RGMA: variants seen among roughly 807,000 people sequenced by gnomAD.
RGMA encodes the protein repulsive guidance molecule A.
RGMA carries 10 observed loss-of-function variants against 23.2 expected under a neutral mutation model. That is an observed-to-expected ratio of 0.43 (90% confidence interval 0.27 to 0.73). The LOEUF is 0.73. RGMA is among the 30% of genes least tolerant of loss of function. The pLI is 0.20. For missense variants in RGMA, 547 were observed against 630.5 expected, an observed-to-expected ratio of 0.87 and a Z score of 1.42; for synonymous variants, 308 against 279.3, an observed-to-expected ratio of 1.10 and a Z score of -1.03.
intron 1 of RGMA, among the ~76,000 whole-genome samples, chr15:93,077,542 T>C (rs915566074): frequency 1.3e-5 from 2 of 152,326 alleles, no homozygotes; most frequent in Admixed American, 6.5e-5. Context: ...TTCAATAAAA[T>C]GGTGATTGCA....
At chr15:93,087,706 G>C (rs1895661568) in intron 1 of RGMA, among the ~76,000 whole-genome samples, 1 of 152,170 alleles carries the variant, frequency 6.6e-6, no homozygotes, top group Admixed American at 6.5e-5. Flanking sequence ...TGCGGAAGGG[G>C]CATCTTCTTA....
At chr15:93,056,769 T>C (rs936219312) in intron 2 of RGMA, among the ~76,000 whole-genome samples, 1 of 152,206 alleles carries the variant, frequency 6.6e-6, no homozygotes, top group Non-Finnish European at 1.5e-5. Context: ...TTCGGGAACT[T>C]GACTCAGCCT....
intron 2 of RGMA, among the ~76,000 whole-genome samples, chr15:93,070,801 C>T (rs759501134): frequency 1.4e-4 from 21 of 152,336 alleles, no homozygotes; most frequent in Admixed American, 3.3e-4. Flanking sequence ...TTTTAGTTAC[C>T]GGCCTTGACG....
Position 93,068,232 on chromosome 15 carries a change from T to C in RGMA, c.130+4684A>G, listed in dbSNP as rs545982607. Among the ~76,000 whole-genome samples the C allele has an allele frequency of 3.3e-5, 5 of 152,278 alleles. No individual in the cohort carries two copies. In the South Asian group the frequency reaches 8.3e-4, roughly 25 times the overall value. On this transcript the variant is annotated intron_variant, in intron 2 of 3. Transcript: ENST00000329082. ...AATACTGTCTTCAATTTAAGGCTGG[T>C]TGAATTTTTGCCAAGCAGCAAAACA...
chr15:93,072,834 G>T lies in RGMA; in HGVS notation c.130+82C>A, dbSNP rs556631352. On this transcript the variant is annotated intron_variant, in intron 2 of 3. Transcript: ENST00000329082. ...GAGGAGGTCCGGAGAACTTGAGCCC[G>T]GACTCACTCGCGCACATCTGGCCCA... is the stretch of plus-strand genomic sequence containing the variant. 8.1e-5 allele frequency: 119 copies of T among 1,461,020 alleles called. No individual in the cohort carries two copies. In the African/African-American group the frequency reaches 1.4e-3, roughly 17 times the overall value. 90.5% of individuals were successfully genotyped at this position (1,461,020 alleles called of 1,614,324 possible).
chr15:93,056,008 C>A (rs1344980343), intron 2 of RGMA, among the ~76,000 whole-genome samples: 1 of 152,214 alleles, frequency 6.6e-6, no homozygotes, highest in African/African-American at 2.4e-5. Context: ...GCTCCAGGGC[C>A]ACAGAGTGGG....
chr15:93,045,426 T>C lies in RGMA; in HGVS notation c.925A>G (p.Ser309Gly). 1.2e-6 allele frequency: 2 copies of C among 1,613,170 alleles called. No individual in the cohort carries two copies. Among genetic ancestry groups the C allele is most frequent in the South Asian group, 1.1e-5 (1 of 91,066 alleles). Residue 309 changes from serine to glycine, a missense_variant, in exon 4 of 4, where the codon AGC becomes GGC. This residue lies in a region of RGMA where 205 missense variants were observed against 204.1 expected (regional missense o/e 1.00). Coordinates refer to ENST00000329082, the MANE Select transcript of RGMA (RefSeq NM_020211.3). The surrounding 1 kb of genome is among the most constrained non-coding windows in gnomAD (Gnocchi z 6.9). ...CGCAGGCAGAGGTAGAGACCCTGGCTGTCCCAGTCCTCCACAGCATTGACC... is the reference window on the plus strand; with the variant it reads ...CGCAGGCAGAGGTAGAGACCCTGGCCGTCCCAGTCCTCCACAGCATTGACC... ...EVVNAVEDWD[S>G]QGLYLCLRGC...
intron 1 of RGMA, among the ~76,000 whole-genome samples, chr15:93,078,788 G>C (rs763363637): frequency 1.3e-5 from 2 of 152,212 alleles, no homozygotes; most frequent in Non-Finnish European, 2.9e-5. Context: ...TTTTTCGCTT[G>C]TTTTCCAATA....
chr15:93,073,054 A>AAAG (rs1555450827), intron 1 of RGMA, 23 bp from the exon 2 acceptor site: 594 of 1,544,992 alleles, frequency 3.8e-4, no homozygotes, highest in Non-Finnish European at 4.9e-4. Context: ...TTCAGAAAAA[A>AAAG]AGAAGAAAAT....
rs1271846725 is a variant in RGMA at position 93,073,679 on chromosome 15, C to T, written c.15-648G>A. 5.2e-6 allele frequency: 8 copies of T among 1,537,150 alleles called. 1 individual carries two copies. Among genetic ancestry groups the T allele is most frequent in the South Asian group, 2.4e-5 (2 of 84,062 alleles). Reference sequence around the variant, plus strand: ...AAACCCACTTCCGAGTTGTCTAGGTCTGGGCAGGATGGCTCTCTGCATCTC... The same window carrying T: ...AAACCCACTTCCGAGTTGTCTAGGTTTGGGCAGGATGGCTCTCTGCATCTC... On this transcript the variant is annotated intron_variant, in intron 1 of 3. Transcript: ENST00000329082.
intron 2 of RGMA, among the ~76,000 whole-genome samples, chr15:93,054,601 A>G (rs1298450697): frequency 2.0e-5 from 3 of 152,156 alleles, no homozygotes; most frequent in Admixed American, 6.5e-5. Flanking sequence ...CATGATTGTG[A>G]GGCCTCCCCG....
rs112476305 is a variant in RGMA at position 93,037,027 on chromosome 15, G to A, written c.*7971C>T. The A allele has an allele frequency of 0.033, 5,019 of 152,364 alleles. 128 individuals are homozygous for A. The highest frequency in any genetic ancestry group is 0.051 in the South Asian group (245 of 4,822). 9.4% of individuals were successfully genotyped at this position (152,364 alleles called of 1,614,324 possible). A position where few individuals can be genotyped will look rare whatever the true frequency, so the allele number is the denominator to read the frequency against. On this transcript the variant is annotated 3_prime_UTR_variant, in exon 4 of 4. Coordinates refer to ENST00000329082, the MANE Select transcript of RGMA (RefSeq NM_020211.3). The surrounding 1 kb of genome is among the most constrained non-coding windows in gnomAD (Gnocchi z 4.3). ...ACCAGAGCCCACTCCATGGCTGGGC[G>A]AGCTGGGCAGTGGGTGACTGGCAGG...
chr15:93,055,944 G>A (rs1365260336), intron 2 of RGMA, among the ~76,000 whole-genome samples: 1 of 152,216 alleles, frequency 6.6e-6, no homozygotes, highest in Non-Finnish European at 1.5e-5. Flanking sequence ...GGGGTATGTG[G>A]GCAGTTCATG....
chr15:93,045,808 C>T lies in RGMA; in HGVS notation c.646-103G>A. 1 of 815,248 alleles carries T rather than the reference C, an allele frequency of 1.2e-6. No homozygotes were observed. Among genetic ancestry groups the T allele is most frequent in the Non-Finnish European group, 2.0e-6 (1 of 505,396 alleles). The allele number at this position is 815,248 out of a possible 1,614,324, so 50.5% of individuals were successfully genotyped here. On this transcript the variant is annotated intron_variant, in intron 3 of 3. Transcript: ENST00000329082. This position sits in a 1 kb window ranked among gnomAD's most constrained non-coding sequence, Gnocchi z 6.9. ...ACTGAGAGGAGGGCAGGAAGGATCC[C>T]CAGGGATGCCCCAGACACTCCCTTC...
chr15:93,066,209 C>T, intron 2 of RGMA: 1 of 1,415,856 alleles, frequency 7.1e-7, no homozygotes, highest in Non-Finnish European at 1.0e-6. Flanking sequence ...TCCACAGTCT[C>T]CTCATCTCCA....
intron 2 of RGMA, chr15:93,065,735 C>G: frequency 1.7e-6 from 2 of 1,192,148 alleles, no homozygotes; most frequent in Non-Finnish European, 1.2e-6. Context: ...GGACCATCAG[C>G]GGGACCGTGG....
At chr15:93,084,455 A>C (rs181039203) in intron 1 of RGMA, among the ~76,000 whole-genome samples, 1 of 152,138 alleles carries the variant, frequency 6.6e-6, no homozygotes, top group African/African-American at 2.4e-5. Context: ...ATCAGATGTC[A>C]AGGTTTTTTT....
chr15:93,058,381 G>A (rs57114827), intron 2 of RGMA, among the ~76,000 whole-genome samples: 10,503 of 152,270 alleles, frequency 0.069, 453 homozygotes, highest in African/African-American at 0.12. Flanking sequence ...AGGCATGCAC[G>A]GGCACCTCAC....
intron 2 of RGMA, among the ~76,000 whole-genome samples, chr15:93,061,068 C>T (rs769312037): frequency 6.6e-6 from 1 of 152,368 alleles, no homozygotes; most frequent in Non-Finnish European, 1.5e-5. Flanking sequence ...CGCTGAGCGG[C>T]CTCTTCCCCA....
Sources: gnomAD v4.1 joint callset for allele counts (sites outside exome capture counted in the v4.1 genomes callset) on GRCh38, gnomAD v4.1.1 for gene constraint, gnomAD v4.1.1 regional missense constraint, Gnocchi (gnomAD v3.1) non-coding constraint, MANE v1.5 for transcripts, NCBI Gene and HGNC (gene_info 2026-07-23, HGNC 2026-07-21) for gene names.